Variants in CBX3 observed in about 807,000 individuals in gnomAD.
The protein encoded by CBX3 is chromobox 3.
In CBX3, 5 loss-of-function variants were observed where a neutral mutation model predicts 22.6. That is an observed-to-expected ratio of 0.22 (90% confidence interval 0.12 to 0.47). CBX3 has a LOEUF of 0.47. CBX3 is among the 20% of genes least tolerant of loss of function. The probability of loss-of-function intolerance (pLI) is 0.99; values close to 1 mark genes in which losing one functional copy is unlikely to be tolerated. For synonymous variants in CBX3, 50 were observed against 66.6 expected (o/e 0.75, Z 1.21); for missense variants, 83 against 208.1 (o/e 0.40, Z 3.70).
intron 4 of CBX3, among the ~76,000 whole-genome samples, chr7:26,209,238 G>A (rs10279800): frequency 6.6e-6 from 1 of 152,018 alleles, no homozygotes; most frequent in Non-Finnish European, 1.5e-5. Flanking sequence ...TTAAAATTCA[G>A]ATACTTTTAT....
At chr7:26,205,393 A>T (rs891308613) in intron 2 of CBX3, among the ~76,000 whole-genome samples, 5 of 152,258 alleles carry the variant, frequency 3.3e-5, no homozygotes, top group Non-Finnish European at 5.9e-5. Context: ...GGGAATTAAA[A>T]TAAATTTGTA....
rs993050006 is a variant in CBX3 at position 26,208,654 on chromosome 7, C to T, written c.330+99C>T. 26 of 1,165,706 alleles carry T rather than the reference C, an allele frequency of 2.2e-5. 1 individual carries two copies. In the South Asian group the frequency reaches 2.9e-4, roughly 13 times the overall value. The allele number at this position is 1,165,706 out of a possible 1,614,324, so 72.2% of individuals were successfully genotyped here. A position where few individuals can be genotyped will look rare whatever the true frequency, so the allele number is the denominator to read the frequency against. On this transcript the variant is annotated intron_variant, in intron 4 of 5. Transcript: ENST00000396386. ...TGTTTTTTTGAGATGGAGTCTTGCT[C>T]TTGTCGCCCAGGCTGGAGTGCAATG...
intron 3 of CBX3, 31 bp downstream of exon 3, chr7:26,206,541 G>T (rs1327129577): frequency 6.2e-7 from 1 of 1,602,080 alleles, no homozygotes; most frequent in Non-Finnish European, 8.5e-7. Context: ...TTTACTATAT[G>T]TTTAACTGCA....
chr7:26,208,208 C>T, intron 3 of CBX3, 185 bp from the exon 4 acceptor site: 1 of 450,226 alleles, frequency 2.2e-6, no homozygotes, highest in Non-Finnish European at 4.1e-6. Flanking sequence ...GGCAACAAAG[C>T]AAGACCCTGT....
chr7:26,206,699 G>C (rs915892850), intron 3 of CBX3, among the ~76,000 whole-genome samples, 189 bp downstream of exon 3: 3 of 152,188 alleles, frequency 2.0e-5, no homozygotes, highest in Admixed American at 1.3e-4. Flanking sequence ...AGTTGAAGGT[G>C]AGCAGACTAG....
chr7:26,201,683 C>T (rs1240789110), upstream of CBX3: 1 of 148,250 alleles, frequency 6.7e-6, no homozygotes, highest in African/African-American at 2.5e-5. Context: ...CGTGGCCGCC[C>T]GGCGTGGGCG....
At chr7:26,205,351 G>C (rs540482624) in intron 2 of CBX3, among the ~76,000 whole-genome samples, 20 of 152,228 alleles carry the variant, frequency 1.3e-4, no homozygotes, top group Non-Finnish European at 2.6e-4. Context: ...TTTCTCTTGA[G>C]AAACCAGGAA....
rs1160537183 is a variant in CBX3, at chr7:26,213,000, C to T, written c.*792C>T. ...TTAAAAGTTTCCCTAGCGGGCCATT[C>T]CTTAGCAAAATGTTGGAATCCCTGT... On this transcript the variant is annotated 3_prime_UTR_variant, in exon 6 of 6. Coordinates refer to ENST00000396386, the MANE Select transcript of CBX3 (RefSeq NM_016587.4). The T allele has an allele frequency of 6.6e-6, 1 of 152,300 alleles. No individual in the cohort carries two copies. The highest frequency in any genetic ancestry group is 6.5e-5 in the Admixed American group (1 of 15,292). The allele number at this position is 152,300 out of a possible 1,614,324, so 9.4% of individuals were successfully genotyped here.
chr7:26,208,404 C>CT lies in CBX3; in HGVS notation c.181dup (p.Trp61LeufsTer4). On this transcript the variant is annotated frameshift_variant, in exon 4 of 6. Transcript: ENST00000396386. LOFTEE classifies it high-confidence loss of function. Reference sequence around the variant, plus strand: ...TAAACTAAACACAGTGCTGACAATACTTGGGAACCTGAAGAAAATTTAGAT... The same window carrying CT: ...TAAACTAAACACAGTGCTGACAATACTTTGGGAACCTGAAGAAAATTTAGAT... The CT allele has an allele frequency of 6.2e-7, 1 of 1,605,134 alleles. No homozygotes were observed. The highest frequency in any genetic ancestry group is 8.5e-7 in the Non-Finnish European group (1 of 1,174,546).
intron 2 of CBX3, 22 bp downstream of exon 2, chr7:26,203,044 A>T: frequency 6.3e-7 from 1 of 1,576,858 alleles, no homozygotes; most frequent in Non-Finnish European, 8.7e-7. Flanking sequence ...AAAACCTAAA[A>T]TATGTAAGGA....
At chr7:26,201,594 C>T (rs901228347), upstream of CBX3, 1 of 150,478 alleles carries the variant, frequency 6.6e-6, no homozygotes, top group Non-Finnish European at 1.5e-5. Context: ...CCTCCGCCCT[C>T]CCCCTAGGGC....
At chr7:26,202,898 C>G in intron 1 of CBX3, 73 bp from the exon 2 acceptor site, 4 of 932,978 alleles carry the variant, frequency 4.3e-6, no homozygotes, top group South Asian at 1.3e-5. Flanking sequence ...GGGTTGGAAT[C>G]CAAACAGAAT....
Position 26,206,528 on chromosome 7 carries a change from A to T in CBX3, c.167+18A>T, listed in dbSNP as rs757690570. On this transcript the variant is annotated intron_variant, in intron 3 of 5. Coordinates refer to ENST00000396386, the MANE Select transcript of CBX3 (RefSeq NM_016587.4). ...TTTACAGAGTAAGAAACTTTAGTGC[A>T]TCTTTACTATATGTTTAACTGCAGC... 1 of 1,610,228 alleles carries T rather than the reference A, an allele frequency of 6.2e-7. No individual in the cohort carries two copies. The highest frequency in any genetic ancestry group is 8.5e-7 in the Non-Finnish European group (1 of 1,177,714).
At position 26,212,895 on chromosome 7, in the gene CBX3, G is replaced by C. The variant is rs1428728923; in HGVS notation, c.*687G>C. 2 of 152,388 alleles carry C rather than the reference G, an allele frequency of 1.3e-5. No homozygotes were observed. The highest frequency in any genetic ancestry group is 3.4e-3 in the Middle Eastern group (1 of 294). 9.4% of individuals were successfully genotyped at this position (152,388 alleles called of 1,614,324 possible). On this transcript the variant is annotated 3_prime_UTR_variant, in exon 6 of 6. Transcript: ENST00000396386. ...AAATTTTATCACTGCCATCACAGCAGGTTTCCTCATCCAGATGAGGAAACT... is the reference window on the plus strand; with the variant it reads ...AAATTTTATCACTGCCATCACAGCACGTTTCCTCATCCAGATGAGGAAACT...
At chr7:26,203,173 C>A in intron 2 of CBX3, 151 bp downstream of exon 2, 2 of 653,702 alleles carry the variant, frequency 3.1e-6, no homozygotes, top group South Asian at 1.9e-5. Context: ...AAGAGAAAAA[C>A]GAATTCATTA....
chr7:26,204,107 A>T (rs1241362120), intron 2 of CBX3, among the ~76,000 whole-genome samples: 4 of 152,188 alleles, frequency 2.6e-5, no homozygotes, highest in Non-Finnish European at 5.9e-5. Context: ...ATTTTGACTC[A>T]TCCACTTTTG....
intron 1 of CBX3, chr7:26,202,726 T>C: frequency 4.2e-6 from 2 of 477,170 alleles, no homozygotes; most frequent in Non-Finnish European, 3.7e-6. Flanking sequence ...GTCCCCTATT[T>C]TAAGCCATGT....
intron 2 of CBX3, among the ~76,000 whole-genome samples, chr7:26,205,789 CT>C (rs1282736229): frequency 6.6e-6 from 1 of 152,084 alleles, no homozygotes; most frequent in Non-Finnish European, 1.5e-5. Flanking sequence ...TAAACTTGGT[CT>C]TTTAAGACTA....
intron 4 of CBX3, among the ~76,000 whole-genome samples, chr7:26,208,917 CTTTTTTTTTTTTTTTTTTTT>C (rs59657982): frequency 3.9e-4 from 11 of 27,942 alleles, no homozygotes; most frequent in South Asian, 1.5e-3. Context: ...CACGCCTGGC[CTTTTTTTTTTTTTTTTTTTT>C]TTTTTTTTTT....
Sources: allele counts gnomAD v4.1 joint callset (sites outside exome capture counted in the v4.1 genomes callset), GRCh38; gene constraint gnomAD v4.1.1; transcripts MANE v1.5; gene names NCBI Gene and HGNC (gene_info 2026-07-23, HGNC 2026-07-21).